The following BOD1L1 variants were observed in gnomAD, a reference collection of about 807,000 sequenced individuals.
BOD1L1 encodes the protein biorientation of chromosomes in cell division 1 like 1.
Under a neutral mutation model 240.7 loss-of-function variants are expected in BOD1L1, and 86 were observed. The ratio of observed to expected loss-of-function variants is 0.36; its 90% CI spans 0.30 to 0.43. The LOEUF (loss-of-function observed/expected upper bound fraction) is 0.43, where lower values mean the gene tolerates loss of function less well. Ranked by LOEUF, BOD1L1 falls within the 20% of genes least tolerant of loss-of-function variation. The probability of loss-of-function intolerance (pLI) is 1.00; values close to 1 mark genes in which losing one functional copy is unlikely to be tolerated. For synonymous variants in BOD1L1, 1,268 were observed against 1,272.3 expected (o/e 1.00, Z 0.07); for missense variants, 3,554 against 3,643.5 (o/e 0.98, Z 0.63).
intron 17 of BOD1L1, among the ~76,000 whole-genome samples, chr4:13,584,135 A>G (rs1200271214): frequency 1.3e-5 from 2 of 152,230 alleles, no homozygotes; most frequent in Non-Finnish European, 2.9e-5. Context: ...AAAGGCATAT[A>G]TAAATCGTGG....
At position 13,598,877 on chromosome 4, in the gene BOD1L1, C is replaced by T. The variant is rs549607745; in HGVS notation, c.7954+69G>A. 22 of 1,461,310 alleles carry T rather than the reference C, an allele frequency of 1.5e-5. No homozygotes were observed. The African/African-American group carries it at 2.1e-4, about 14-fold the overall frequency. The allele number at this position is 1,461,310 out of a possible 1,614,324, so 90.5% of individuals were successfully genotyped here. On this transcript the variant is annotated intron_variant, in intron 10 of 25. Coordinates refer to ENST00000040738, the MANE Select transcript of BOD1L1 (RefSeq NM_148894.3). ...CCAAAACCATCTTTTGGAAGACTGTCCTAAATGCACTCTGTTGTACAATCA... is the reference window on the plus strand; with the variant it reads ...CCAAAACCATCTTTTGGAAGACTGTTCTAAATGCACTCTGTTGTACAATCA...
chr4:13,618,707 C>T (rs920603336), intron 2 of BOD1L1, among the ~76,000 whole-genome samples: 2 of 152,216 alleles, frequency 1.3e-5, no homozygotes, highest in Non-Finnish European at 1.5e-5. Flanking sequence ...TCTAGTATTA[C>T]CTGTGGCTAA....
At chr4:13,593,131 T>C (rs986618801) in intron 12 of BOD1L1, 3 of 152,164 alleles carry the variant, frequency 2.0e-5, no homozygotes, top group Non-Finnish European at 4.4e-5. Context: ...TGAGGTATAA[T>C]GCACATATTC....
chr4:13,620,260 GAAGA>G (rs770141204), intron 1 of BOD1L1, among the ~76,000 whole-genome samples, 193 bp from the exon 2 acceptor site: 5 of 152,066 alleles, frequency 3.3e-5, no homozygotes, highest in Admixed American at 6.6e-5. Flanking sequence ...GGAATATAAA[GAAGA>G]AAGATACACC....
chr4:13,602,836 G>C lies in BOD1L1; in HGVS notation c.4064C>G (p.Pro1355Arg). The change falls in exon 10 of 26, where the codon CCA (proline) becomes CGA (arginine). Residue 1355 changes from proline to arginine, a missense_variant. Physicochemically the swap from Pro to Arg is moderately radical, Grantham distance 103. Transcript: ENST00000040738. ...TTTGCTAGTGATGCTTGCTTTTGCTGGTGTATCTACTGTGAAACCTTCACC... is the reference window on the plus strand; with the variant it reads ...TTTGCTAGTGATGCTTGCTTTTGCTCGTGTATCTACTGTGAAACCTTCACC... ...EGGEGFTVDT[P>R]AKASITSKRH... 6.2e-7 allele frequency: 1 copy of C among 1,613,966 alleles called. No individual in the cohort carries two copies. The highest frequency in any genetic ancestry group is 8.5e-7 in the Non-Finnish European group (1 of 1,179,864).
intron 21 of BOD1L1, among the ~76,000 whole-genome samples, chr4:13,580,327 C>T (rs1713123808): frequency 1.3e-5 from 2 of 152,326 alleles, no homozygotes; most frequent in South Asian, 4.1e-4. Context: ...GAGATAAGTA[C>T]TGCAGGCATC....
Position 13,602,924 on chromosome 4 carries a change from G to A in BOD1L1, c.3976C>T (p.Pro1326Ser). 2 of 1,613,976 alleles carry A rather than the reference G, an allele frequency of 1.2e-6. No homozygotes were observed. Among genetic ancestry groups the A allele is most frequent in the Non-Finnish European group, 1.7e-6 (2 of 1,179,888 alleles). Residue 1326 changes from proline to serine, a missense_variant, in exon 10 of 26, where the codon CCT becomes TCT. Physicochemically the swap from Pro to Ser is moderately conservative, Grantham distance 74. Transcript: ENST00000040738. ...STSPADHSAL[P>S]NQSLTVRESE... ...TCCCTAACAGTCAGACTTTGGTTAG[G>A]GAGAGCAGAGTGATCCGCAGGGGAG...
intron 13 of BOD1L1, among the ~76,000 whole-genome samples, chr4:13,590,973 C>T (rs1714158089): frequency 6.6e-6 from 1 of 152,072 alleles, no homozygotes; most frequent in African/African-American, 2.4e-5. Context: ...TGCTGGTGGA[C>T]TCAAGGGACT....
At position 13,619,960 on chromosome 4, in the gene BOD1L1, A is replaced by G. The variant is rs1366796149; in HGVS notation, c.351T>C (p.Ile117=). 1 of 1,613,350 alleles carries G rather than the reference A, an allele frequency of 6.2e-7. No homozygotes were observed. Among genetic ancestry groups the G allele is most frequent in the South Asian group, 1.1e-5 (1 of 90,878 alleles). The change falls in exon 2 of 26, where the codon ATT becomes ATC. Residue 117 remains isoleucine (I), a synonymous_variant. Coordinates refer to ENST00000040738, the MANE Select transcript of BOD1L1 (RefSeq NM_148894.3). ...AGACTTACTTGAGGACTTGTTGTCTAATGTTGTTTCTTAGCTGGTTCTTAT... is the reference window on the plus strand; with the variant it reads ...AGACTTACTTGAGGACTTGTTGTCTGATGTTGTTTCTTAGCTGGTTCTTAT... ...HLNKNQLRNN[I]RQQVLKSGML...
intron 4 of BOD1L1, 124 bp downstream of exon 4, chr4:13,614,072 G>T: frequency 1.2e-6 from 1 of 827,170 alleles, no homozygotes; most frequent in Non-Finnish European, 1.8e-6. Flanking sequence ...CTTAAGCAAA[G>T]GGGATATAAG....
At chr4:13,577,084 G>A in intron 24 of BOD1L1, 93 bp from the exon 25 acceptor site, 3 of 1,410,710 alleles carry the variant, frequency 2.1e-6, no homozygotes, top group South Asian at 2.8e-5. Flanking sequence ...AGGATATTAG[G>A]GACTTGGAGG....
intron 6 of BOD1L1, 72 bp from the exon 7 acceptor site, chr4:13,609,478 A>G (rs372366388): frequency 9.7e-7 from 1 of 1,032,056 alleles, no homozygotes; most frequent in Non-Finnish European, 1.3e-6. Flanking sequence ...TATTTTTTTT[A>G]AAGTTTTAGT....
chr4:13,612,330 A>G (rs893892452), intron 5 of BOD1L1, among the ~76,000 whole-genome samples: 1 of 152,224 alleles, frequency 6.6e-6, no homozygotes, highest in African/African-American at 2.4e-5. Context: ...ATAAAACTCA[A>G]TATTTTTATT....
In BOD1L1 at chr4:13,599,624, C is replaced by T. The variant is rs759408414; in HGVS notation, c.7276G>A (p.Val2426Ile). ...TGCTTCTCTTCTTTTTCCGCACAAA[C>T]AGCACTTGGATGGCCTTGCCCTGCA... ...PSAGQGHPSA[V>I]CAEKEEKHGK... is the part of the protein sequence containing the mutation. Residue 2426 changes from valine to isoleucine, a missense_variant, in exon 10 of 26, where the codon GTT (valine) becomes ATT (isoleucine). Val to Ile is a conservative substitution (Grantham distance 29). This residue lies in a region of BOD1L1 where 3,393 missense variants were observed against 3,427.1 expected (regional missense o/e 0.99). Transcript: ENST00000040738. 1.2e-6 allele frequency: 2 copies of T among 1,614,056 alleles called. No homozygotes were observed. Among genetic ancestry groups the T allele is most frequent in the Non-Finnish European group, 1.7e-6 (2 of 1,179,908 alleles).
chr4:13,613,716 C>T lies in BOD1L1; in HGVS notation c.1175-55G>A. The T allele has an allele frequency of 2.2e-6, 3 of 1,346,494 alleles. No homozygotes were observed. The highest frequency in any genetic ancestry group is 3.0e-6 in the Non-Finnish European group (3 of 1,014,216). 83.4% of individuals were successfully genotyped at this position (1,346,494 alleles called of 1,614,324 possible). ...AAAATCATCTTATTATAAGAACATA[C>T]TCAGAGCTCAATTACTAAATTACAC... On this transcript the variant is annotated intron_variant, in intron 4 of 25. Transcript: ENST00000040738. This position sits in a 1 kb window ranked among gnomAD's most constrained non-coding sequence, Gnocchi z 4.0.
intron 9 of BOD1L1, among the ~76,000 whole-genome samples, chr4:13,606,199 C>T (rs1715686627): frequency 6.6e-6 from 1 of 152,116 alleles, no homozygotes; most frequent in Non-Finnish European, 1.5e-5. Context: ...GAGTTTGCAT[C>T]AACTTCACAA....
chr4:13,605,118 A>C, intron 9 of BOD1L1, 34 bp from the exon 10 acceptor site: 1 of 1,439,034 alleles, frequency 6.9e-7, no homozygotes, highest in Non-Finnish European at 9.2e-7. Flanking sequence ...TATGAGAAAT[A>C]CCAAAATCAA....
chr4:13,587,345 G>A (rs796934206), intron 16 of BOD1L1, among the ~76,000 whole-genome samples: 11 of 152,316 alleles, frequency 7.2e-5, no homozygotes, highest in African/African-American at 2.6e-4. Context: ...CAGAATGGGT[G>A]TTAGAGGCAC....
At chr4:13,579,558 T>TA (rs1667612398) in intron 22 of BOD1L1, among the ~76,000 whole-genome samples, 2 of 152,172 alleles carry the variant, frequency 1.3e-5, no homozygotes, top group Admixed American at 6.5e-5. Context: ...TTGTTTTATG[T>TA]AAAAAATTTT....
Sources: gnomAD v4.1 joint callset for allele counts (sites outside exome capture counted in the v4.1 genomes callset) on GRCh38, gnomAD v4.1.1 for gene constraint, gnomAD v4.1.1 regional missense constraint, Gnocchi (gnomAD v3.1) non-coding constraint, MANE v1.5 for transcripts, NCBI Gene and HGNC (gene_info 2026-07-23, HGNC 2026-07-21) for gene names.